AGK: variants seen among roughly 807,000 people sequenced by gnomAD.
The protein encoded by AGK is acylglycerol kinase.
Under a neutral mutation model 66.4 loss-of-function variants are expected in AGK, and 52 were observed. The observed-to-expected ratio is 0.78, with a 90% CI of 0.63 to 0.99. The LOEUF (loss-of-function observed/expected upper bound fraction) is 0.99. Among genes scored for constraint, AGK ranks in the 50% least tolerant of loss-of-function variants. The pLI, the probability that AGK is intolerant of heterozygous loss-of-function variation, is 0.00. For missense variants in AGK, 451 were observed against 506.6 expected (o/e 0.89, Z 1.05); for synonymous variants, 182 against 181.1 (o/e 1.00, Z -0.04).
At chr7:141,600,293 G>A (rs926520606) in intron 4 of AGK, among the ~76,000 whole-genome samples, 16 of 152,106 alleles carry the variant, frequency 1.1e-4, no homozygotes, top group Non-Finnish European at 2.9e-5. Flanking sequence ...GTTTGACTTT[G>A]AGACTATGCC....
rs1262498494 is a variant in AGK, at chr7:141,551,959, C to T, written c.-15+525C>T. Among the ~76,000 whole-genome samples, 4 of 152,244 alleles carry T rather than the reference C, an allele frequency of 2.6e-5. No individual in the cohort carries two copies. The East Asian group carries it at 5.8e-4, about 22-fold the overall frequency. On this transcript the variant is annotated intron_variant, in intron 1 of 15. Coordinates refer to ENST00000649286, the MANE Select transcript of AGK (RefSeq NM_018238.4). ...GTGTCAAATTCAGTATCTCCTAAAC[C>T]GCACTACTTTTCTCCACAAACCTAC...
chr7:141,560,997 G>A (rs1795335672), intron 2 of AGK, among the ~76,000 whole-genome samples: 1 of 152,024 alleles, frequency 6.6e-6, no homozygotes, highest in African/African-American at 2.4e-5. Flanking sequence ...GTTTCATCGT[G>A]TTAGCCAGGA....
At chr7:141,562,028 T>C in intron 2 of AGK, 1 of 456,236 alleles carries the variant, frequency 2.2e-6, no homozygotes, top group South Asian at 1.5e-5. Flanking sequence ...TTCAGGTCTC[T>C]CAGCCATGGG....
chr7:141,566,379 C>A (rs1467954774), intron 2 of AGK, among the ~76,000 whole-genome samples: 1 of 152,156 alleles, frequency 6.6e-6, no homozygotes, highest in Non-Finnish European at 1.5e-5. Flanking sequence ...AGATACTTGA[C>A]ACACATTTTA....
Position 141,555,423 on chromosome 7 carries a change from T to A in AGK, c.-14-30T>A. ...CATGAAGACCATGGATAAATTATAT[T>A]TTTTTCTCTTTCCGCCTCTACTAAC... On this transcript the variant is annotated intron_variant, in intron 1 of 15. Transcript: ENST00000649286. This position sits in a 1 kb window ranked among gnomAD's most constrained non-coding sequence, Gnocchi z 4.2. The A allele has an allele frequency of 6.8e-7, 1 of 1,467,274 alleles. No homozygotes were observed. The highest frequency in any genetic ancestry group is 9.5e-7 in the Non-Finnish European group (1 of 1,053,324). 90.9% of individuals were successfully genotyped at this position (1,467,274 alleles called of 1,614,324 possible).
At chr7:141,637,133 C>A in intron 11 of AGK, 116 bp downstream of exon 11, 1 of 757,380 alleles carries the variant, frequency 1.3e-6, no homozygotes, top group Non-Finnish European at 2.2e-6. Context: ...CATGCTTCAA[C>A]ACTAAAACAG....
intron 9 of AGK, among the ~76,000 whole-genome samples, chr7:141,629,782 TC>T (rs1562978852): frequency 6.6e-6 from 1 of 151,244 alleles, no homozygotes; most frequent in African/African-American, 2.4e-5. Context: ...TAAAAACTCT[TC>T]CCCCCGAGAT....
At chr7:141,581,756 G>A (rs946390666) in intron 2 of AGK, among the ~76,000 whole-genome samples, 15 of 151,906 alleles carry the variant, frequency 9.9e-5, no homozygotes, top group Non-Finnish European at 2.9e-5. Flanking sequence ...CTGTAGCCTA[G>A]GAACAGTCAG....
At chr7:141,615,290 C>A (rs565165413) in intron 7 of AGK, among the ~76,000 whole-genome samples, 181 bp from the exon 8 acceptor site, 36 of 152,148 alleles carry the variant, frequency 2.4e-4, no homozygotes, top group Non-Finnish European at 4.7e-4. Flanking sequence ...TTTTCATTGA[C>A]TGCCTTGTTT....
In AGK at chr7:141,555,751, TTATATCCAGTGG is replaced by T. The variant is rs1241894274; in HGVS notation, c.101+186_101+197del. ...ACCAGAGCTGGAACTACATGCATAC[TTATATCCAGTGG>T]TTAGAGAATAAAGTAGAGACATCAG... On this transcript the variant is annotated intron_variant, in intron 2 of 15. Coordinates refer to ENST00000649286, the MANE Select transcript of AGK (RefSeq NM_018238.4). The surrounding 1 kb of genome is among the most constrained non-coding windows in gnomAD (Gnocchi z 4.2). Among the ~76,000 whole-genome samples the T allele has an allele frequency of 6.6e-6, 1 of 152,236 alleles. No individual in the cohort carries two copies. Among genetic ancestry groups the T allele is most frequent in the African/African-American group, 2.4e-5 (1 of 41,464 alleles).
At chr7:141,589,664 G>A (rs373056372) in intron 2 of AGK, among the ~76,000 whole-genome samples, 2 of 151,956 alleles carry the variant, frequency 1.3e-5, no homozygotes, top group East Asian at 3.9e-4. Context: ...GGCTTCAAGC[G>A]ATTCTCCTGC....
chr7:141,625,038 G>A (rs1796906150), intron 9 of AGK, among the ~76,000 whole-genome samples: 1 of 152,160 alleles, frequency 6.6e-6, no homozygotes, highest in African/African-American at 2.4e-5. Context: ...ACACTCTACA[G>A]CAAAGATTAT....
intron 10 of AGK, 124 bp from the exon 11 acceptor site, chr7:141,636,836 A>G (rs1797181737): frequency 5.7e-6 from 4 of 702,912 alleles, no homozygotes; most frequent in Non-Finnish European, 7.1e-6. Context: ...ATAACCTCCT[A>G]GCTACCAGAA....
intron 9 of AGK, among the ~76,000 whole-genome samples, chr7:141,630,185 T>C (rs1202462340): frequency 2.0e-5 from 3 of 152,192 alleles, no homozygotes; most frequent in South Asian, 4.1e-4. Context: ...GCTAAAGACA[T>C]ATACTGTTAT....
intron 2 of AGK, among the ~76,000 whole-genome samples, chr7:141,573,940 A>G (rs1795673470): frequency 1.3e-5 from 2 of 150,030 alleles, no homozygotes; most frequent in African/African-American, 4.9e-5. Context: ...CTCGTCATTT[A>G]CTCTCCTTTT....
chr7:141,553,359 T>C (rs1444542701), intron 1 of AGK, among the ~76,000 whole-genome samples: 1 of 152,162 alleles, frequency 6.6e-6, no homozygotes, highest in East Asian at 1.9e-4. Flanking sequence ...CAAAACTCCT[T>C]CGTTACTTTA....
intron 2 of AGK, among the ~76,000 whole-genome samples, chr7:141,569,634 A>G (rs112825029): frequency 0.017 from 2,529 of 152,318 alleles, 84 homozygotes; most frequent in African/African-American, 0.056. Flanking sequence ...AACTCATTTC[A>G]TCTTCCTTAT....
intron 6 of AGK, among the ~76,000 whole-genome samples, chr7:141,613,242 A>G (rs1480672692): frequency 6.6e-6 from 1 of 152,208 alleles, no homozygotes; most frequent in African/African-American, 2.4e-5. Flanking sequence ...TGTATTTGGT[A>G]TAATTACAGT....
chr7:141,651,616 G>A lies in AGK; in HGVS notation c.1131+7G>A. On this transcript the variant is annotated splice_region_variant and intron_variant, in intron 15 of 15. Transcript: ENST00000649286. ...CACTTTGCTTATCCCGGAGGTGAGT[G>A]GGGAAGGGGTCGGTAGTCACAGCAT... is the stretch of plus-strand genomic sequence containing the variant. 6.2e-7 allele frequency: 1 copy of A among 1,613,818 alleles called. No individual in the cohort carries two copies. The highest frequency in any genetic ancestry group is 8.5e-7 in the Non-Finnish European group (1 of 1,179,666).
Sources: allele counts gnomAD v4.1 joint callset (sites outside exome capture counted in the v4.1 genomes callset), GRCh38; gene constraint gnomAD v4.1.1; non-coding constraint Gnocchi (gnomAD v3.1); transcripts MANE v1.5; gene names NCBI Gene and HGNC (gene_info 2026-07-23, HGNC 2026-07-21).